Variants in ESR1 observed in about 807,000 individuals in gnomAD.
ESR1 encodes the protein estrogen receptor 1, also known as estrogen receptor.
In ESR1, 12 loss-of-function variants were observed where a neutral mutation model predicts 52.7. The observed-to-expected ratio is 0.23, with a 90% CI of 0.15 to 0.37. The LOEUF (loss-of-function observed/expected upper bound fraction) is 0.37, where lower values mean the gene tolerates loss of function less well. ESR1 is among the 10% of genes least tolerant of loss of function. The pLI is 1.00. For synonymous variants in ESR1, 305 were observed against 316.8 expected (o/e 0.96, Z 0.39); for missense variants, 584 against 779.7 (o/e 0.75, Z 2.99).
At chr6:152,043,377 C>T (rs528894389) in intron 5 of ESR1, among the ~76,000 whole-genome samples, 1 of 152,290 alleles carries the variant, frequency 6.6e-6, no homozygotes, top group East Asian at 1.9e-4. Flanking sequence ...TAGCCCACAC[C>T]CTTAATATCC....
At chr6:151,893,305 C>T (rs979983519) in intron 3 of ESR1, among the ~76,000 whole-genome samples, 4 of 152,036 alleles carry the variant, frequency 2.6e-5, no homozygotes, top group African/African-American at 9.7e-5. Flanking sequence ...GTTAAGATGG[C>T]ACCATTGCAC....
exon 7 of ESR1, chr6:152,126,580 T>C (rs1198020251): frequency 6.6e-6 from 1 of 152,212 alleles, no homozygotes; most frequent in Admixed American, 6.5e-5. Flanking sequence ...CAGATAGTTC[T>C]GTCCAGCAAA....
intron 2 of ESR1, among the ~76,000 whole-genome samples, chr6:151,742,999 G>C (rs903336113): frequency 2.6e-5 from 4 of 152,150 alleles, no homozygotes; most frequent in African/African-American, 4.8e-5. Flanking sequence ...CATTTAGGAG[G>C]CTTATTAAAA....
chr6:151,687,688 G>A (rs1387505203), upstream of ESR1, among the ~76,000 whole-genome samples: 1 of 152,130 alleles, frequency 6.6e-6, no homozygotes, highest in Non-Finnish European at 1.5e-5. Context: ...GGCTGTTAGT[G>A]GTTTCTTCTG....
At chr6:151,683,805 T>C (rs1396779735) in intron 1 of ESR1, among the ~76,000 whole-genome samples, 1 of 151,706 alleles carries the variant, frequency 6.6e-6, no homozygotes, top group African/African-American at 2.4e-5. Context: ...TTCAAGCAAT[T>C]CTCTCACCTC....
intron 4 of ESR1, among the ~76,000 whole-genome samples, chr6:151,955,981 T>G (rs2036862740): frequency 6.6e-6 from 1 of 152,174 alleles, no homozygotes; most frequent in African/African-American, 2.4e-5. Context: ...TTATCAGGTT[T>G]TCTGCTTCTG....
At chr6:151,974,952 T>C (rs2039292793) in intron 4 of ESR1, among the ~76,000 whole-genome samples, 1 of 152,204 alleles carries the variant, frequency 6.6e-6, no homozygotes, top group African/African-American at 2.4e-5. Flanking sequence ...AGTCAGCTAT[T>C]TTTTCTCTTT....
intron 2 of ESR1, among the ~76,000 whole-genome samples, chr6:151,729,557 A>T (rs1782089656): frequency 3.3e-5 from 5 of 152,186 alleles, no homozygotes; most frequent in Admixed American, 3.3e-4. Flanking sequence ...AACTGGAAGT[A>T]GTAGGGTAAA....
chr6:151,869,468 T>C (rs1374003199), intron 2 of ESR1, among the ~76,000 whole-genome samples: 4 of 152,220 alleles, frequency 2.6e-5, no homozygotes, highest in African/African-American at 9.6e-5. Flanking sequence ...CTGAAAGCGG[T>C]TCATTGTCCC....
In ESR1 at chr6:152,102,963, T is replaced by G. The variant is rs1305051091; in HGVS notation, c.*3997T>G. 4.5e-6 allele frequency: 1 copy of G among 222,674 alleles called. No individual in the cohort carries two copies. Among genetic ancestry groups the G allele is most frequent in the African/African-American group, 2.2e-5 (1 of 44,676 alleles). The allele number at this position is 222,674 out of a possible 1,614,324, so 13.8% of individuals were successfully genotyped here. On this transcript the variant is annotated 3_prime_UTR_variant, in exon 8 of 8. Coordinates refer to ENST00000206249, the MANE Select transcript of ESR1 (RefSeq NM_000125.4). Reference sequence around the variant, plus strand: ...GGTTATAGAGACTTGAATTAATAAGTGACATTATGCCAGTTTCTGTTCTCT... The same window carrying G: ...GGTTATAGAGACTTGAATTAATAAGGGACATTATGCCAGTTTCTGTTCTCT...
chr6:152,039,473 T>G (rs986983056), intron 5 of ESR1, among the ~76,000 whole-genome samples: 6 of 152,116 alleles, frequency 3.9e-5, no homozygotes, highest in African/African-American at 1.4e-4. Flanking sequence ...GAGATTGCAA[T>G]CTTAATTTCC....
intron 1 of ESR1, among the ~76,000 whole-genome samples, chr6:151,809,670 G>A (rs1778483664): frequency 6.6e-6 from 1 of 152,210 alleles, no homozygotes; most frequent in Non-Finnish European, 1.5e-5. Context: ...GATACTGAAG[G>A]GCAGATTCTG....
At chr6:151,934,112 G>T (rs975158474) in intron 3 of ESR1, among the ~76,000 whole-genome samples, 4 of 152,048 alleles carry the variant, frequency 2.6e-5, no homozygotes, top group African/African-American at 7.2e-5. Context: ...TCCTTGTTCA[G>T]GCTGCTGTGA....
At chr6:151,846,535 G>A (rs1029338514) in intron 2 of ESR1, among the ~76,000 whole-genome samples, 2 of 152,194 alleles carry the variant, frequency 1.3e-5, no homozygotes, top group Non-Finnish European at 2.9e-5. Flanking sequence ...TGAAGATGCC[G>A]CAGCTCTCCC....
intron 2 of ESR1, among the ~76,000 whole-genome samples, chr6:151,778,287 G>T (rs890594616): frequency 3.3e-5 from 5 of 150,368 alleles, no homozygotes; most frequent in African/African-American, 9.8e-5. Context: ...TTCTGTTTGG[G>T]ATGATGAAGA....
Position 152,099,152 on chromosome 6 carries a change from G to C in ESR1, c.*186G>C. 1.6e-6 allele frequency: 1 copy of C among 633,912 alleles called. No homozygotes were observed. The highest frequency in any genetic ancestry group is 2.8e-5 in the East Asian group (1 of 36,154). 39.3% of individuals were successfully genotyped at this position (633,912 alleles called of 1,614,324 possible). ...GTGGCACATCTTCTGTCTTCTGTTGGGAACAGCCAAAGGGATTCCAAGGCT... is the reference window on the plus strand; with the variant it reads ...GTGGCACATCTTCTGTCTTCTGTTGCGAACAGCCAAAGGGATTCCAAGGCT... On this transcript the variant is annotated 3_prime_UTR_variant, in exon 8 of 8. Coordinates refer to ENST00000206249, the MANE Select transcript of ESR1 (RefSeq NM_000125.4).
intron 1 of ESR1, among the ~76,000 whole-genome samples, chr6:151,825,437 T>C (rs1293333498): frequency 6.6e-6 from 1 of 152,188 alleles, no homozygotes; most frequent in Non-Finnish European, 1.5e-5. Flanking sequence ...GATAACTAAC[T>C]GTACTTGTGC....
chr6:152,032,840 A>C (rs1367918638), intron 5 of ESR1, among the ~76,000 whole-genome samples: 1 of 152,164 alleles, frequency 6.6e-6, no homozygotes, highest in Non-Finnish European at 1.5e-5. Flanking sequence ...CAAGTCAATC[A>C]TAAGCCAAAA....
chr6:151,707,830 G>T (rs1035941741), intron 2 of ESR1, among the ~76,000 whole-genome samples: 1 of 151,772 alleles, frequency 6.6e-6, no homozygotes, highest in South Asian at 2.1e-4. Flanking sequence ...ATTTTATTTG[G>T]CTATGCCTCT....
Sources: allele counts gnomAD v4.1 joint callset (sites outside exome capture counted in the v4.1 genomes callset), GRCh38; gene constraint gnomAD v4.1.1; transcripts MANE v1.5; gene names NCBI Gene and HGNC (gene_info 2026-07-23, HGNC 2026-07-21).